Variants in NAA38 observed in about 807,000 individuals in gnomAD.
The protein encoded by NAA38 is N-alpha-acetyltransferase 38, NatC auxiliary subunit, also known as LSM domain containing 1.
Under a neutral mutation model 12.6 loss-of-function variants are expected in NAA38, and 15 were observed. That is an observed-to-expected ratio of 1.19 (90% CI 0.79 to 1.83). NAA38 has a LOEUF of 1.83. Among genes scored for constraint, NAA38 ranks in the 40% most tolerant of loss-of-function variants. The pLI is 0.00. For synonymous variants in NAA38, 88 were observed against 69.9 expected (o/e 1.26, Z -1.29); for missense variants, 183 against 171.7 (o/e 1.07, Z -0.37).
upstream of NAA38, chr17:7,861,405 T>C (rs1247340276): frequency 6.6e-6 from 1 of 152,204 alleles, no homozygotes; most frequent in Non-Finnish European, 1.5e-5. Context: ...AGTCCATGAA[T>C]TATCTAAATC....
intron 2 of NAA38, among the ~76,000 whole-genome samples, chr17:7,868,315 C>T (rs887572492): frequency 6.6e-6 from 1 of 152,104 alleles, no homozygotes. Context: ...ACAGAGGTCA[C>T]GTAAGATGAA....
chr17:7,883,390 C>T (rs1967343051), intron 1 of NAA38: 1 of 152,138 alleles, frequency 6.6e-6, no homozygotes, highest in South Asian at 2.1e-4. Context: ...TGACTCTTTC[C>T]TCTTTATCCT....
chr17:7,873,164 G>C (rs1967116113), intron 2 of NAA38, among the ~76,000 whole-genome samples: 1 of 152,174 alleles, frequency 6.6e-6, no homozygotes, highest in Non-Finnish European at 1.5e-5. Flanking sequence ...AGAAGTGGAA[G>C]CCGCATATGA....
intron 2 of NAA38, among the ~76,000 whole-genome samples, chr17:7,875,103 G>A (rs1967152860): frequency 6.6e-6 from 1 of 151,644 alleles, no homozygotes; most frequent in Admixed American, 6.6e-5. Context: ...GATGAGGGAG[G>A]AGGAAAGCTT....
At chr17:7,864,926 CAA>C (rs1207133024) in intron 3 of NAA38, 1 of 151,694 alleles carries the variant, frequency 6.6e-6, no homozygotes, top group Non-Finnish European at 1.5e-5. Flanking sequence ...GTGCATGAAG[CAA>C]AGTTTGTGTT....
chr17:7,857,711 ATCCTTTAGAAACTGGAATTTAGCG>A (rs1475962424), upstream of NAA38: 5 of 1,297,912 alleles, frequency 3.9e-6, no homozygotes, highest in Non-Finnish European at 3.9e-6. Context: ...TTTCTTACAC[ATCCTTTAGAAACTGGAATTTAGCG>A]AGAATACATT....
At chr17:7,884,332 T>C (rs1967416003) in intron 1 of NAA38, among the ~76,000 whole-genome samples, 1 of 150,074 alleles carries the variant, frequency 6.7e-6, no homozygotes, top group South Asian at 2.1e-4. Context: ...TTAAAAATAA[T>C]TTCAAGGCGG....
upstream of NAA38, chr17:7,885,307 C>CCCGCCGCCGCACCCCTCCCCCGCCGCCG (rs1967670330): frequency 2.5e-5 from 4 of 157,218 alleles, no homozygotes; most frequent in African/African-American, 1.1e-4. Context: ...GCACCCCTCC[C>CCCGCCGCCGCACCCCTCCCCCGCCGCCG]CCGCCGCCGC....
intron 2 of NAA38, among the ~76,000 whole-genome samples, chr17:7,868,812 G>A (rs1273169038): frequency 2.6e-5 from 4 of 152,156 alleles, no homozygotes; most frequent in Admixed American, 6.5e-5. Context: ...ATTACAGACC[G>A]TATCTGTGAC....
upstream of NAA38, chr17:7,863,007 T>G (rs1451577633): frequency 1.3e-5 from 2 of 152,042 alleles, no homozygotes; most frequent in Admixed American, 6.6e-5. Context: ...CTTTTTTTTC[T>G]CTCACAAGCA....
chr17:7,873,599 C>A (rs1967124171), intron 2 of NAA38, among the ~76,000 whole-genome samples: 1 of 152,020 alleles, frequency 6.6e-6, no homozygotes, highest in Non-Finnish European at 1.5e-5. Flanking sequence ...TGGGAAAGAG[C>A]AAGTGGAATC....
At chr17:7,873,127 A>T (rs1333599931) in intron 2 of NAA38, among the ~76,000 whole-genome samples, 2 of 152,208 alleles carry the variant, frequency 1.3e-5, no homozygotes, top group African/African-American at 4.8e-5. Flanking sequence ...ATATGTTGCC[A>T]TTTTAGTTGA....
upstream of NAA38, chr17:7,862,180 T>G (rs1265644608): frequency 1.3e-5 from 2 of 152,236 alleles, no homozygotes; most frequent in African/African-American, 4.8e-5. Flanking sequence ...GCTGCTAGAT[T>G]GTAAGCTCAC....
At chr17:7,857,916 G>C (rs2078843929), upstream of NAA38, 2 of 1,419,408 alleles carry the variant, frequency 1.4e-6, no homozygotes, top group Non-Finnish European at 1.8e-6. Context: ...TGCCCCACGC[G>C]GGACTCATAC....
chr17:7,857,496 TC>T lies in NAA38; in HGVS notation c.-34del. The T allele has an allele frequency of 6.7e-7, 1 of 1,492,144 alleles. No homozygotes were observed. Among genetic ancestry groups the T allele is most frequent in the African/African-American group, 1.4e-5 (1 of 70,948 alleles). The allele number at this position is 1,492,144 out of a possible 1,614,324, so 92.4% of individuals were successfully genotyped here. On this transcript the variant is annotated 5_prime_UTR_variant, in exon 1 of 3. Coordinates refer to ENST00000575771, the MANE Select transcript of NAA38 (RefSeq NM_001320925.4). ...GAGGCCTCCTCTGGGCCTTTCAACT[TC>T]CTAAGCACCTTTCAGGTTGGGTGGT...
At chr17:7,859,436 T>A (rs2037180242), upstream of NAA38, 4 of 1,613,848 alleles carry the variant, frequency 2.5e-6, no homozygotes, top group South Asian at 3.3e-5. Context: ...CCCCTATAAC[T>A]CACATGCTGC....
intron 1 of NAA38, chr17:7,884,916 A>C: frequency 7.3e-7 from 1 of 1,366,288 alleles, no homozygotes; most frequent in Non-Finnish European, 9.6e-7. Flanking sequence ...GAGGAGGTGG[A>C]GGCGGCCGAC....
chr17:7,874,485 A>G lies in NAA38; in HGVS notation c.-65-7927T>C, dbSNP rs931673372. 2.0e-5 allele frequency among the ~76,000 whole-genome samples: 3 copies of G among 152,198 alleles called. No homozygotes were observed. The South Asian group carries it at 6.2e-4, about 32-fold the overall frequency. ...ATGAAGGAAATGTCAGGAGATAAGT[A>G]GAAAACACTGAGGAAGAGAAGGTAA... On this transcript the variant is annotated intron_variant, in intron 2 of 4. Transcript: ENST00000576861.
upstream of NAA38, chr17:7,861,575 C>T (rs2078883402): frequency 6.6e-6 from 1 of 152,252 alleles, no homozygotes; most frequent in Non-Finnish European, 1.5e-5. Flanking sequence ...AAACCTGTCC[C>T]TCTTCCAGAG....
Sources: allele counts gnomAD v4.1 joint callset (sites outside exome capture counted in the v4.1 genomes callset), GRCh38; gene constraint gnomAD v4.1.1; transcripts MANE v1.5; gene names NCBI Gene and HGNC (gene_info 2026-07-23, HGNC 2026-07-21).